The following CRYBG1 variants were observed in gnomAD, a reference collection of about 807,000 sequenced individuals.
The protein encoded by CRYBG1 is beta/gamma crystallin domain-containing protein 1.
A neutral mutation model predicts 189.2 loss-of-function variants in CRYBG1; 139 were observed. The ratio of observed to expected loss-of-function variants is 0.73; its 90% confidence interval spans 0.64 to 0.85. The LOEUF (loss-of-function observed/expected upper bound fraction) is 0.85. Among genes scored for constraint, CRYBG1 ranks in the 40% least tolerant of loss-of-function variants. The probability of loss-of-function intolerance (pLI) is 0.00; values close to 1 mark genes in which losing one functional copy is unlikely to be tolerated. For missense variants in CRYBG1, 2,611 were observed against 2,675.8 expected (o/e 0.98, Z 0.53); for synonymous variants, 1,023 against 1,017.1 (o/e 1.01, Z -0.11).
At chr6:106,561,575 C>T (rs1310001622) in intron 20 of CRYBG1, 75 bp downstream of exon 20, 1 of 1,497,714 alleles carries the variant, frequency 6.7e-7, no homozygotes, top group African/African-American at 1.4e-5. Context: ...TGCTTTTGAT[C>T]TTTTCTTCAA....
chr6:106,433,921 A>G (rs1771402006), intron 1 of CRYBG1, among the ~76,000 whole-genome samples: 1 of 151,804 alleles, frequency 6.6e-6, no homozygotes, highest in South Asian at 2.1e-4. Flanking sequence ...AACATTTATT[A>G]TCTCTCAGTT....
At chr6:106,400,799 G>A (rs1050732684) in intron 1 of CRYBG1, among the ~76,000 whole-genome samples, 5 of 152,168 alleles carry the variant, frequency 3.3e-5, no homozygotes, top group African/African-American at 1.2e-4. Context: ...GGACAGAGAG[G>A]AGGGTGATCA....
rs1010718510 is a variant in CRYBG1, at chr6:106,512,257, C to G, written c.1140C>G (p.Ile380Met). The change falls in exon 3 of 22, where the codon ATC becomes ATG. Residue 380 changes from isoleucine (I) to methionine (M), a missense_variant. Around this residue, in one of 3 missense-constraint regions of CRYBG1, gnomAD observed 985 missense variants for 924.4 expected, o/e 1.07. Transcript: ENST00000633556. ...AHPAKVLTLD[I>M]YLSKTEGAQV... is the part of the protein sequence containing the mutation. ...CTGCTAAGGTGCTAACTTTGGACAT[C>G]TACTTGAGTAAGACTGAGGGGGCAC... 6.4e-7 allele frequency: 1 copy of G among 1,553,642 alleles called. No homozygotes were observed. Among genetic ancestry groups the G allele is most frequent in the Non-Finnish European group, 8.7e-7 (1 of 1,153,260 alleles).
chr6:106,387,676 T>G (rs1028576734), intron 1 of CRYBG1, among the ~76,000 whole-genome samples: 1 of 152,136 alleles, frequency 6.6e-6, no homozygotes, highest in Non-Finnish European at 1.5e-5. Flanking sequence ...GTTAACTCAA[T>G]TGGGTTGAGT....
chr6:106,491,741 C>T (rs1008076910), intron 2 of CRYBG1, among the ~76,000 whole-genome samples: 12 of 152,116 alleles, frequency 7.9e-5, no homozygotes, highest in African/African-American at 2.9e-4. Flanking sequence ...TTGGACCCAC[C>T]AGGGGCTGCA....
intron 2 of CRYBG1, among the ~76,000 whole-genome samples, chr6:106,456,578 C>G (rs752711248): frequency 1.1e-4 from 17 of 152,210 alleles, no homozygotes; most frequent in Non-Finnish European, 2.2e-4. Context: ...GTTCAACAAA[C>G]ATTGGTTGAG....
In CRYBG1 at chr6:106,519,481, AAG is replaced by A. The variant is rs1320748527; in HGVS notation, c.2277_2278del (p.Glu759AspfsTer14). On this transcript the variant is annotated frameshift_variant, in exon 4 of 22. Transcript: ENST00000633556. LOFTEE classifies it high-confidence loss of function. Reference sequence around the variant, plus strand: ...GAAACCAAAGTTACCGTCTCGGAAGAAGAGATTCTGCCAGCAACCAGAGGAAT... The same window carrying A: ...GAAACCAAAGTTACCGTCTCGGAAGAAGATTCTGCCAGCAACCAGAGGAAT... The A allele has an allele frequency of 6.2e-7, 1 of 1,614,142 alleles. No homozygotes were observed. The highest frequency in any genetic ancestry group is 8.5e-7 in the Non-Finnish European group (1 of 1,180,032).
chr6:106,511,902 C>T lies in CRYBG1; in HGVS notation c.785C>T (p.Ser262Phe). 1 of 1,523,558 alleles carries T rather than the reference C, an allele frequency of 6.6e-7. No homozygotes were observed. Among genetic ancestry groups the T allele is most frequent in the African/African-American group, 1.4e-5 (1 of 72,888 alleles). 94.4% of individuals were successfully genotyped at this position (1,523,558 alleles called of 1,614,324 possible). A position where few individuals can be genotyped will look rare whatever the true frequency, so the allele number is the denominator to read the frequency against. The change falls in exon 3 of 22, where the codon TCC (serine) becomes TTC (phenylalanine). Residue 262 changes from serine to phenylalanine, a missense_variant. Physicochemically the swap from Ser to Phe is radical, Grantham distance 155. Transcript: ENST00000633556. ...CAGCTGCATTCCTCGCCGGGAAATT[C>T]CTCCAGGCAAGAGAACGCAGAGACG... is the stretch of plus-strand genomic sequence containing the variant. ...AKQLHSSPGN[S>F]SRQENAETPA... is the part of the protein sequence containing the mutation.
At chr6:106,421,647 A>G (rs542779263) in intron 1 of CRYBG1, among the ~76,000 whole-genome samples, 1 of 152,242 alleles carries the variant, frequency 6.6e-6, no homozygotes, top group African/African-American at 2.4e-5. Context: ...CTGTTAATCT[A>G]TGGGCTAGGA....
intron 1 of CRYBG1, among the ~76,000 whole-genome samples, chr6:106,389,369 G>A (rs1018874768): frequency 6.6e-6 from 1 of 151,976 alleles, no homozygotes; most frequent in Non-Finnish European, 1.5e-5. Flanking sequence ...GATTTGGCTC[G>A]AGTTGGACAA....
intron 1 of CRYBG1, among the ~76,000 whole-genome samples, chr6:106,446,847 A>G (rs1771672618): frequency 6.6e-6 from 1 of 152,238 alleles, no homozygotes; most frequent in African/African-American, 2.4e-5. Flanking sequence ...GGCTCTTTTA[A>G]CTTGGGAAAG....
In CRYBG1 at chr6:106,555,821, A is replaced by G; in HGVS notation, c.5639A>G (p.Glu1880Gly). 1 of 1,614,200 alleles carries G rather than the reference A, an allele frequency of 6.2e-7. No individual in the cohort carries two copies. The highest frequency in any genetic ancestry group is 1.1e-5 in the South Asian group (1 of 91,080). ...NFTGNQYVLE[E>G]GHYPCLSAMG... The stretch of plus-strand genomic sequence containing the variant: ...ACTGGTAATCAATACGTGTTGGAAG[A>G]AGGCCATTATCCTTGTCTGTCTGCA... Residue 1880 changes from glutamate to glycine, a missense_variant, in exon 17 of 22, where the codon GAA becomes GGA. Glu to Gly is a moderately conservative substitution (Grantham distance 98). Around this residue, in one of 3 missense-constraint regions of CRYBG1, gnomAD observed 1,622 missense variants for 1,735.0 expected, o/e 0.93. Coordinates refer to ENST00000633556, the MANE Select transcript of CRYBG1 (RefSeq NM_001371242.2).
intron 8 of CRYBG1, among the ~76,000 whole-genome samples, chr6:106,536,640 A>C (rs1774010157): frequency 6.6e-6 from 1 of 152,248 alleles, no homozygotes; most frequent in African/African-American, 2.4e-5. Context: ...AAATATTTTA[A>C]ATAAACATAT....
intron 9 of CRYBG1, 35 bp from the exon 10 acceptor site, chr6:106,541,551 A>G (rs2114570411): frequency 2.5e-6 from 4 of 1,602,324 alleles, no homozygotes; most frequent in African/African-American, 1.3e-5. Context: ...TGTATCAGTG[A>G]AAAACTATTT....
chr6:106,417,047 C>T (rs1194367639), intron 1 of CRYBG1, among the ~76,000 whole-genome samples: 1 of 129,720 alleles, frequency 7.7e-6, no homozygotes, highest in Non-Finnish European at 1.6e-5. Context: ...GCTCTGCTGC[C>T]CAGGCTGGAG....
At chr6:106,427,803 C>G (rs977785981) in intron 1 of CRYBG1, among the ~76,000 whole-genome samples, 1 of 152,170 alleles carries the variant, frequency 6.6e-6, no homozygotes, top group Non-Finnish European at 1.5e-5. Flanking sequence ...CCAGAACTAC[C>G]TGGCTCATGT....
chr6:106,566,609 T>C (rs915360179), intron 21 of CRYBG1, among the ~76,000 whole-genome samples: 1 of 151,450 alleles, frequency 6.6e-6, no homozygotes, highest in African/African-American at 2.4e-5. Context: ...GTAGCTGGGA[T>C]TACAGGTGCC....
chr6:106,512,522 T>C lies in CRYBG1; in HGVS notation c.1405T>C (p.Ser469Pro), dbSNP rs1582807795. 5 of 1,609,586 alleles carry C rather than the reference T, an allele frequency of 3.1e-6. No homozygotes were observed. The highest frequency in any genetic ancestry group is 4.2e-6 in the Non-Finnish European group (5 of 1,178,642). Residue 469 changes from serine (S) to proline (P), a missense_variant, in exon 3 of 22, where the codon TCT (serine) becomes CCT (proline). By Grantham distance (74) the Ser-to-Pro change is moderately conservative. Around this residue, in one of 3 missense-constraint regions of CRYBG1, gnomAD observed 985 missense variants for 924.4 expected, o/e 1.07. Transcript: ENST00000633556. ...DNASAEKKVK[S>P]PRAALDGGVA... ...CGCCTCGGCGGAAAAGAAAGTGAAATCTCCGCGGGCAGCCCTCGACGGGGG... is the reference window on the plus strand; with the variant it reads ...CGCCTCGGCGGAAAAGAAAGTGAAACCTCCGCGGGCAGCCCTCGACGGGGG...
chr6:106,487,911 A>T (rs181112143), intron 2 of CRYBG1, among the ~76,000 whole-genome samples: 4 of 152,240 alleles, frequency 2.6e-5, no homozygotes, highest in Non-Finnish European at 4.4e-5. Flanking sequence ...ATATCTGTCC[A>T]TCTGGTAATA....
Sources: gnomAD v4.1 joint callset for allele counts (sites outside exome capture counted in the v4.1 genomes callset) on GRCh38, gnomAD v4.1.1 for gene constraint, gnomAD v4.1.1 regional missense constraint, MANE v1.5 for transcripts, NCBI Gene and HGNC (gene_info 2026-07-23, HGNC 2026-07-21) for gene names.